PDE9A: variants seen among roughly 807,000 people sequenced by gnomAD.
The protein encoded by PDE9A is phosphodiesterase 9A, also known as high affinity cGMP-specific 3',5'-cyclic phosphodiesterase 9A.
Under a neutral mutation model 87.4 loss-of-function variants are expected in PDE9A, and 60 were observed. The observed-to-expected ratio is 0.69, with a 90% CI of 0.56 to 0.85. The LOEUF (loss-of-function observed/expected upper bound fraction) is 0.85. PDE9A is among the 40% of genes least tolerant of loss of function. The pLI is 0.00. For missense variants in PDE9A, 665 were observed against 779.0 expected (o/e 0.85, Z 1.74); for synonymous variants, 272 against 279.4 (o/e 0.97, Z 0.27).
intron 14 of PDE9A, among the ~76,000 whole-genome samples, chr21:42,763,036 G>C (rs532285931): frequency 6.6e-6 from 1 of 152,154 alleles, no homozygotes; most frequent in Non-Finnish European, 1.5e-5. Context: ...CTCTCAGGGC[G>C]TGATGGGAGG....
At chr21:42,713,165 C>T (rs754987044) in intron 4 of PDE9A, among the ~76,000 whole-genome samples, 12 of 152,198 alleles carry the variant, frequency 7.9e-5, no homozygotes, top group African/African-American at 2.9e-4. Context: ...GAGACAGTGT[C>T]GCTCTGTCAC....
chr21:42,657,160 C>G (rs535868274), intron 1 of PDE9A, among the ~76,000 whole-genome samples: 21 of 152,326 alleles, frequency 1.4e-4, no homozygotes, highest in Admixed American at 1.4e-3. Context: ...TTGTGCAGAA[C>G]TGGTAGCCAT....
chr21:42,703,502 G>A (rs947614284), intron 4 of PDE9A, among the ~76,000 whole-genome samples: 49 of 152,366 alleles, frequency 3.2e-4, no homozygotes, highest in Admixed American at 1.4e-3. Context: ...CAGGGCTCTC[G>A]CAGGCCAGCG....
At position 42,704,433 on chromosome 21, in the gene PDE9A, A is replaced by AACACACACACACACACACAC. The variant is rs34581078; in HGVS notation, c.262+5440_262+5459dup. On this transcript the variant is annotated intron_variant, in intron 4 of 19. Coordinates refer to ENST00000291539, the MANE Select transcript of PDE9A (RefSeq NM_002606.3). This position sits in a 1 kb window ranked among gnomAD's most constrained non-coding sequence, Gnocchi z 5.3. ...CAGGTAGACCCCCCCCACCCCACCA[A>AACACACACACACACACACAC]ACACACACACACACACACACACACA... 2.6e-4 allele frequency among the ~76,000 whole-genome samples: 35 copies of AACACACACACACACACACAC among 137,108 alleles called. No homozygotes were observed. Among genetic ancestry groups the AACACACACACACACACACAC allele is most frequent in the East Asian group, 1.5e-3 (7 of 4,586 alleles). 89.9% of individuals were successfully genotyped at this position (137,108 alleles called of 152,430 possible). A position where few individuals can be genotyped will look rare whatever the true frequency, so the allele number is the denominator to read the frequency against.
intron 1 of PDE9A, among the ~76,000 whole-genome samples, chr21:42,670,349 C>G (rs1488093851): frequency 2.2e-4 from 21 of 96,706 alleles, no homozygotes; most frequent in African/African-American, 1.9e-3. Context: ...CATACATTTA[C>G]ACACACATCC....
At chr21:42,666,427 G>A (rs998143929) in intron 1 of PDE9A, among the ~76,000 whole-genome samples, 6 of 152,198 alleles carry the variant, frequency 3.9e-5, no homozygotes, top group Non-Finnish European at 8.8e-5. Flanking sequence ...GACCCAGCAG[G>A]AGCGCAGAGC....
rs370495707 is a variant in PDE9A, at chr21:42,657,960, C to T, written c.69+4077C>T. Among the ~76,000 whole-genome samples, 15 of 152,370 alleles carry T rather than the reference C, an allele frequency of 9.8e-5. No individual in the cohort carries two copies. In the East Asian group the frequency reaches 2.3e-3, roughly 23 times the overall value. ...CTACTGTAAACCAGAGCAGTGAATG[C>T]GCACAGCCCAAAGGGAGGAGCCGCG... is the stretch of plus-strand genomic sequence containing the variant. On this transcript the variant is annotated intron_variant, in intron 1 of 19. Transcript: ENST00000291539.
chr21:42,724,771 G>C (rs2050874308), intron 4 of PDE9A: 1 of 169,922 alleles, frequency 5.9e-6, no homozygotes, highest in Non-Finnish European at 1.2e-5. Context: ...GACAGACCAG[G>C]ATACCAGCAT....
intron 14 of PDE9A, among the ~76,000 whole-genome samples, chr21:42,763,652 A>G (rs182561005): frequency 1.8e-3 from 277 of 152,094 alleles, no homozygotes; most frequent in Non-Finnish European, 1.4e-3. Flanking sequence ...GCCCCAGGAC[A>G]CTCACCCAGG....
At chr21:42,707,748 C>T (rs35313828) in intron 4 of PDE9A, among the ~76,000 whole-genome samples, 2,581 of 152,338 alleles carry the variant, frequency 0.017, 51 homozygotes, top group South Asian at 0.046. Flanking sequence ...AGGAGAGCTA[C>T]TTAACCCCAC....
At chr21:42,670,469 TAG>T (rs1443846177) in intron 1 of PDE9A, among the ~76,000 whole-genome samples, 27 of 150,656 alleles carry the variant, frequency 1.8e-4, no homozygotes, top group African/African-American at 4.4e-4. Context: ...GACTTGCACA[TAG>T]ACTTACACAC....
At chr21:42,674,309 A>C (rs997984939) in intron 1 of PDE9A, among the ~76,000 whole-genome samples, 1 of 127,294 alleles carries the variant, frequency 7.9e-6, no homozygotes, top group Non-Finnish European at 1.6e-5. Flanking sequence ...TTTAGGCTTT[A>C]GACATTCTTT....
At chr21:42,737,970 A>AGAGATCTGG (rs753729103) in intron 7 of PDE9A, among the ~76,000 whole-genome samples, 4 of 152,214 alleles carry the variant, frequency 2.6e-5, no homozygotes, top group Non-Finnish European at 5.9e-5. Flanking sequence ...GCCTTGTTCG[A>AGAGATCTGG]GAGATCTGGG....
intron 14 of PDE9A, among the ~76,000 whole-genome samples, chr21:42,764,155 C>T (rs528638988): frequency 1.3e-5 from 2 of 152,334 alleles, no homozygotes; most frequent in South Asian, 4.1e-4. Flanking sequence ...CCGACAGCCG[C>T]ACCTCAGAAC....
intron 1 of PDE9A, among the ~76,000 whole-genome samples, chr21:42,662,938 C>CCACGCACACGCACAT (rs2057676300): frequency 6.8e-6 from 1 of 147,288 alleles, no homozygotes; most frequent in African/African-American, 2.5e-5. Flanking sequence ...CACATGCACA[C>CCACGCACACGCACAT]CACGCACACG....
At chr21:42,703,962 C>T (rs948885300) in intron 4 of PDE9A, among the ~76,000 whole-genome samples, 3 of 152,254 alleles carry the variant, frequency 2.0e-5, no homozygotes, top group South Asian at 2.1e-4. Flanking sequence ...GGCTCTGCAC[C>T]GTCTCTACAG....
intron 4 of PDE9A, among the ~76,000 whole-genome samples, chr21:42,728,999 CAAA>C (rs1004336745): frequency 5.3e-5 from 5 of 94,420 alleles, no homozygotes; most frequent in East Asian, 2.9e-4. Flanking sequence ...GACTCAGTCT[CAAA>C]AAAAAAAAAA....
intron 16 of PDE9A, 119 bp from the exon 17 acceptor site, chr21:42,768,908 T>A: frequency 6.7e-7 from 1 of 1,499,646 alleles, no homozygotes; most frequent in Non-Finnish European, 8.9e-7. Context: ...TGAGACACAT[T>A]TGTGGTGTGG....
chr21:42,742,257 G>C (rs1312779933), intron 7 of PDE9A, among the ~76,000 whole-genome samples: 3 of 152,086 alleles, frequency 2.0e-5, no homozygotes, highest in Non-Finnish European at 4.4e-5. Flanking sequence ...TCAAGACAGG[G>C]GAACTGCAAT....
Sources: gnomAD v4.1 joint callset for allele counts (sites outside exome capture counted in the v4.1 genomes callset) on GRCh38, gnomAD v4.1.1 for gene constraint, Gnocchi (gnomAD v3.1) non-coding constraint, MANE v1.5 for transcripts, NCBI Gene and HGNC (gene_info 2026-07-23, HGNC 2026-07-21) for gene names.